Variants in MRPS35 observed in about 807,000 individuals in gnomAD.
The protein encoded by MRPS35 is small ribosomal subunit protein mS35.
MRPS35 carries 29 observed loss-of-function variants against 32.7 expected under a neutral mutation model. The ratio of observed to expected loss-of-function variants is 0.89; its 90% CI spans 0.66 to 1.21. The LOEUF is 1.21. Among genes scored for constraint, MRPS35 ranks in the 50% most tolerant of loss-of-function variants. MRPS35 has a pLI of 0.00. For missense variants in MRPS35, 373 were observed against 383.8 expected (o/e 0.97, Z 0.23); for synonymous variants, 148 against 139.3 (o/e 1.06, Z -0.44).
At chr12:27,733,037 T>C (rs1451039122) in intron 5 of MRPS35, among the ~76,000 whole-genome samples, 2 of 120,142 alleles carry the variant, frequency 1.7e-5, no homozygotes, top group Admixed American at 9.1e-5. Context: ...TATATATATA[T>C]ATATCCAGCA....
chr12:27,745,177 G>C (rs1244136576), intron 7 of MRPS35, among the ~76,000 whole-genome samples: 1 of 152,102 alleles, frequency 6.6e-6, no homozygotes. Flanking sequence ...TTAACACAAA[G>C]CATTTAGTGC....
At position 27,755,525 on chromosome 12, in the gene MRPS35, T is replaced by C; in HGVS notation, c.*75T>C. On this transcript the variant is annotated 3_prime_UTR_variant, in exon 8 of 8. Coordinates refer to ENST00000081029, the MANE Select transcript of MRPS35 (RefSeq NM_021821.4). ...GATCAGTATCTAATTTGATATAAAATTGAAAATGTTAAAAAATCATTTTTT... is the reference window on the plus strand; with the variant it reads ...GATCAGTATCTAATTTGATATAAAACTGAAAATGTTAAAAAATCATTTTTT... 7.5e-7 allele frequency: 1 copy of C among 1,325,310 alleles called. No homozygotes were observed. Among genetic ancestry groups the C allele is most frequent in the Non-Finnish European group, 1.0e-6 (1 of 1,001,102 alleles). 82.1% of individuals were successfully genotyped at this position (1,325,310 alleles called of 1,614,324 possible).
chr12:27,730,370 G>T (rs563510427), intron 5 of MRPS35, among the ~76,000 whole-genome samples: 9 of 151,916 alleles, frequency 5.9e-5, no homozygotes, highest in Non-Finnish European at 8.8e-5. Context: ...AACTTGTTGT[G>T]TGTTTGGGGA....
chr12:27,741,615 A>G (rs953186572), intron 7 of MRPS35, among the ~76,000 whole-genome samples: 1 of 152,190 alleles, frequency 6.6e-6, no homozygotes, highest in African/African-American at 2.4e-5. Flanking sequence ...CCTACTCACA[A>G]TTTGACATAA....
chr12:27,755,824 G>A lies in MRPS35; in HGVS notation c.*374G>A, dbSNP rs2062024027. ...ATGGTTTTGGTTACCTGGGAAGGCA[G>A]GCCCAGAACCCATTTCCTTGACTTG... On this transcript the variant is annotated 3_prime_UTR_variant, in exon 8 of 8. Coordinates refer to ENST00000081029, the MANE Select transcript of MRPS35 (RefSeq NM_021821.4). 1 of 156,600 alleles carries A rather than the reference G, an allele frequency of 6.4e-6. No individual in the cohort carries two copies. The highest frequency in any genetic ancestry group is 1.9e-4 in the East Asian group (1 of 5,328). 9.7% of individuals were successfully genotyped at this position (156,600 alleles called of 1,614,324 possible). A position where few individuals can be genotyped will look rare whatever the true frequency, so the allele number is the denominator to read the frequency against.
intron 5 of MRPS35, among the ~76,000 whole-genome samples, chr12:27,734,631 C>T (rs1313249893): frequency 6.6e-6 from 1 of 152,164 alleles, no homozygotes; most frequent in African/African-American, 2.4e-5. Context: ...TTCATTTGTT[C>T]TAGCACTTCC....
At chr12:27,718,924 T>C (rs1004647499) in intron 3 of MRPS35, among the ~76,000 whole-genome samples, 1 of 151,960 alleles carries the variant, frequency 6.6e-6, no homozygotes, top group African/African-American at 2.4e-5. Flanking sequence ...CCGTCTCTAC[T>C]AAAAATACAA....
At chr12:27,714,759 T>C (rs1460087879) in intron 1 of MRPS35, 21 bp from the exon 2 acceptor site, 2 of 1,590,698 alleles carry the variant, frequency 1.3e-6, no homozygotes, top group East Asian at 2.2e-5. Context: ...CTTTAACTAC[T>C]GTGTTATCTT....
intron 3 of MRPS35, among the ~76,000 whole-genome samples, chr12:27,717,129 G>A (rs562285461): frequency 1.3e-5 from 2 of 152,184 alleles, no homozygotes; most frequent in South Asian, 2.1e-4. Context: ...AGACATGCCT[G>A]CCTCAGCATC....
chr12:27,735,413 A>G (rs1220661709), intron 5 of MRPS35, 34 bp from the exon 6 acceptor site: 8 of 1,470,454 alleles, frequency 5.4e-6, no homozygotes, highest in Non-Finnish European at 7.5e-6. Context: ...ATTATATGAA[A>G]TTATTTTTTC....
intron 1 of MRPS35, among the ~76,000 whole-genome samples, chr12:27,714,096 A>G (rs2061839760): frequency 6.7e-6 from 1 of 149,978 alleles, no homozygotes; most frequent in Admixed American, 6.6e-5. Flanking sequence ...AAAAAAAAAG[A>G]AAGAAAGAGA....
At chr12:27,743,848 C>T (rs1224907183) in intron 7 of MRPS35, among the ~76,000 whole-genome samples, 2 of 152,200 alleles carry the variant, frequency 1.3e-5, no homozygotes, top group East Asian at 3.9e-4. Context: ...AGATGGCTGT[C>T]GTCTTACTGT....
At chr12:27,721,162 G>A (rs926546906) in intron 4 of MRPS35, among the ~76,000 whole-genome samples, 16 of 152,218 alleles carry the variant, frequency 1.1e-4, no homozygotes, top group South Asian at 6.2e-4. Flanking sequence ...AGGGCCTTCC[G>A]TTTAAAAATG....
At chr12:27,735,025 T>G (rs1427199353) in intron 5 of MRPS35, among the ~76,000 whole-genome samples, 3 of 152,234 alleles carry the variant, frequency 2.0e-5, no homozygotes, top group Non-Finnish European at 4.4e-5. Context: ...AATTGCATGG[T>G]AGAACTTGTA....
At chr12:27,718,406 C>A (rs1345622151) in intron 3 of MRPS35, among the ~76,000 whole-genome samples, 1 of 152,148 alleles carries the variant, frequency 6.6e-6, no homozygotes, top group African/African-American at 2.4e-5. Context: ...GAGCAAGACT[C>A]CATCTCAAAA....
At chr12:27,721,661 A>AT (rs2061875958) in intron 4 of MRPS35, among the ~76,000 whole-genome samples, 1 of 152,172 alleles carries the variant, frequency 6.6e-6, no homozygotes, top group Admixed American at 6.5e-5. Context: ...GTCTCAAACA[A>AT]TAAAAAAAAA....
chr12:27,746,919 A>G (rs192797672), intron 7 of MRPS35, among the ~76,000 whole-genome samples: 41 of 152,324 alleles, frequency 2.7e-4, no homozygotes, highest in African/African-American at 7.7e-4. Context: ...GAAAACTACA[A>G]TAGGCTTCTA....
At chr12:27,714,847 T>C in intron 2 of MRPS35, 27 bp downstream of exon 2, 1 of 1,594,866 alleles carries the variant, frequency 6.3e-7, no homozygotes, top group Non-Finnish European at 8.6e-7. Context: ...CTCTACTATC[T>C]TAATGGTTTC....
chr12:27,727,934 T>G (rs2061906854), intron 5 of MRPS35, among the ~76,000 whole-genome samples: 1 of 152,140 alleles, frequency 6.6e-6, no homozygotes, highest in Non-Finnish European at 1.5e-5. Context: ...CATTTCTAGA[T>G]TACTTATAAT....
Sources: allele counts gnomAD v4.1 joint callset (sites outside exome capture counted in the v4.1 genomes callset), GRCh38; gene constraint gnomAD v4.1.1; transcripts MANE v1.5; gene names NCBI Gene and HGNC (gene_info 2026-07-23, HGNC 2026-07-21).